RAP1GAP2: variants seen among roughly 807,000 people sequenced by gnomAD.
RAP1GAP2 encodes the protein RAP1 GTPase activating protein 2, also known as rap1 GTPase-activating protein 2.
Under a neutral mutation model 95.0 loss-of-function variants are expected in RAP1GAP2, and 27 were observed. That is an observed-to-expected ratio of 0.28 (90% CI 0.21 to 0.39). The LOEUF is 0.39. Among genes scored for constraint, RAP1GAP2 ranks in the 10% least tolerant of loss-of-function variants. RAP1GAP2 has a pLI of 1.00. For missense variants in RAP1GAP2, 771 were observed against 970.0 expected, an observed-to-expected ratio of 0.79 and a Z score of 2.72; for synonymous variants, 373 against 380.9, an observed-to-expected ratio of 0.98 and a Z score of 0.24.
intron 1 of RAP1GAP2, among the ~76,000 whole-genome samples, chr17:2,768,652 A>T (rs945628221): frequency 7.0e-6 from 1 of 143,578 alleles, no homozygotes; most frequent in African/African-American, 2.6e-5. Flanking sequence ...AGATGAAGCC[A>T]TTGCACTCTA....
chr17:2,870,587 T>C lies in RAP1GAP2; in HGVS notation c.81-34697T>C, dbSNP rs1219681788. Among the ~76,000 whole-genome samples the C allele has an allele frequency of 6.6e-6, 1 of 152,222 alleles. No homozygotes were observed. The highest frequency in any genetic ancestry group is 1.5e-5 in the Non-Finnish European group (1 of 68,038). On this transcript the variant is annotated intron_variant, in intron 2 of 24. Coordinates refer to ENST00000254695, the MANE Select transcript of RAP1GAP2 (RefSeq NM_015085.5). The surrounding 1 kb of genome is among the most constrained non-coding windows in gnomAD (Gnocchi z 4.4). The stretch of plus-strand genomic sequence containing the variant: ...TTAATATTTTTTTTGTGGTCTTTTT[T>C]TTCTATGCAAAAGCACACCCTTTCA...
intron 2 of RAP1GAP2, among the ~76,000 whole-genome samples, chr17:2,849,969 AG>A (rs2071757946): frequency 6.7e-6 from 1 of 149,282 alleles, no homozygotes; most frequent in Admixed American, 6.7e-5. Flanking sequence ...GGTTTGGCGC[AG>A]GTGTGTCACT....
chr17:2,812,356 T>G (rs1044072162), intron 2 of RAP1GAP2, among the ~76,000 whole-genome samples: 27 of 152,168 alleles, frequency 1.8e-4, no homozygotes, highest in African/African-American at 6.5e-4. Context: ...GTTCCTCCTG[T>G]CTCCCGGTTC....
intron 19 of RAP1GAP2, 24 bp from the exon 20 acceptor site, chr17:3,025,984 C>T: frequency 3.2e-6 from 5 of 1,563,828 alleles, no homozygotes; most frequent in Non-Finnish European, 8.8e-7. Flanking sequence ...TCCGCGGCCT[C>T]ACTCCTCATT....
At chr17:2,882,435 G>T (rs1260765710) in intron 2 of RAP1GAP2, among the ~76,000 whole-genome samples, 1 of 152,032 alleles carries the variant, frequency 6.6e-6, no homozygotes, top group Non-Finnish European at 1.5e-5. Flanking sequence ...GGGGTTACAG[G>T]CACGCGCCAC....
intron 2 of RAP1GAP2, among the ~76,000 whole-genome samples, chr17:2,850,672 C>A (rs1463135722): frequency 6.7e-6 from 1 of 149,720 alleles, no homozygotes; most frequent in Non-Finnish European, 1.5e-5. Context: ...ATGGCATGAA[C>A]CCGGTTGGCG....
At chr17:2,917,110 G>A (rs1421801181) in intron 3 of RAP1GAP2, among the ~76,000 whole-genome samples, 1 of 152,174 alleles carries the variant, frequency 6.6e-6, no homozygotes, top group Non-Finnish European at 1.5e-5. Context: ...TTGGCCACAT[G>A]ATCCTGCCTG....
chr17:2,825,590 A>T lies in RAP1GAP2; in HGVS notation c.80+25040A>T, dbSNP rs1314530289. 6.6e-6 allele frequency among the ~76,000 whole-genome samples: 1 copy of T among 151,882 alleles called. No individual in the cohort carries two copies. Among genetic ancestry groups the T allele is most frequent in the Non-Finnish European group, 1.5e-5 (1 of 67,988 alleles). ...GGGGTTACCTTGGGCAACCGTCTGA[A>T]CCTCTCTGAGCTTGTTTTCCCATCC... On this transcript the variant is annotated intron_variant, in intron 2 of 24. Coordinates refer to ENST00000254695, the MANE Select transcript of RAP1GAP2 (RefSeq NM_015085.5). This position sits in a 1 kb window ranked among gnomAD's most constrained non-coding sequence, Gnocchi z 4.1.
intron 12 of RAP1GAP2, among the ~76,000 whole-genome samples, chr17:2,994,801 T>C (rs7217169): frequency 0.18 from 27,714 of 152,176 alleles, 3,645 homozygotes; most frequent in East Asian, 0.48. Context: ...ATGGAGGTTC[T>C]GCTTTGTGAT....
intron 8 of RAP1GAP2, among the ~76,000 whole-genome samples, chr17:2,972,437 A>G (rs1251133389): frequency 4.6e-5 from 7 of 152,108 alleles, no homozygotes; most frequent in South Asian, 4.1e-4. Flanking sequence ...CACGACCAAC[A>G]TGAGTGAAAC....
chr17:2,844,312 G>A (rs537961943), intron 2 of RAP1GAP2, among the ~76,000 whole-genome samples: 85 of 152,268 alleles, frequency 5.6e-4, no homozygotes, highest in Non-Finnish European at 1.1e-3. Flanking sequence ...GAGCCACTGC[G>A]CCCGGCCGGC....
intron 22 of RAP1GAP2, among the ~76,000 whole-genome samples, chr17:3,028,210 C>T (rs184209654): frequency 1.1e-4 from 16 of 152,172 alleles, no homozygotes; most frequent in South Asian, 4.2e-4. Context: ...CATGCTTGTA[C>T]GAGGCCTGGA....
At chr17:2,815,584 C>T (rs2069975254) in intron 2 of RAP1GAP2, among the ~76,000 whole-genome samples, 1 of 151,850 alleles carries the variant, frequency 6.6e-6, no homozygotes, top group Non-Finnish European at 1.5e-5. Context: ...CCGGTTCAAG[C>T]GATTCTCCTG....
rs1011934602 is a variant in RAP1GAP2 at position 3,004,800 on chromosome 17, C to T, written c.1201-569C>T. ...GATTCGGCAGGTTTAGGCCAGAGCCCATGAACCCAGTCTGTATTTTTAAAC... is the reference window on the plus strand; with the variant it reads ...GATTCGGCAGGTTTAGGCCAGAGCCTATGAACCCAGTCTGTATTTTTAAAC... On this transcript the variant is annotated intron_variant, in intron 14 of 24. Coordinates refer to ENST00000254695, the MANE Select transcript of RAP1GAP2 (RefSeq NM_015085.5). The surrounding 1 kb of genome is among the most constrained non-coding windows in gnomAD (Gnocchi z 4.1). 6.6e-6 allele frequency among the ~76,000 whole-genome samples: 1 copy of T among 152,248 alleles called. No individual in the cohort carries two copies. Among genetic ancestry groups the T allele is most frequent in the African/African-American group, 2.4e-5 (1 of 41,478 alleles).
chr17:2,981,933 A>G (rs970512395), intron 10 of RAP1GAP2, among the ~76,000 whole-genome samples: 4 of 152,226 alleles, frequency 2.6e-5, no homozygotes, highest in Non-Finnish European at 5.9e-5. Context: ...CTGCGTCTTC[A>G]TGGGCCAGCA....
At chr17:2,977,338 T>C (rs1011320599) in intron 8 of RAP1GAP2, among the ~76,000 whole-genome samples, 1 of 152,142 alleles carries the variant, frequency 6.6e-6, no homozygotes, top group Non-Finnish European at 1.5e-5. Context: ...ACTAAAGAAT[T>C]TGAATTAGTA....
intron 2 of RAP1GAP2, among the ~76,000 whole-genome samples, chr17:2,771,609 C>T (rs572909957): frequency 2.6e-5 from 4 of 151,326 alleles, no homozygotes; most frequent in African/African-American, 9.7e-5. Flanking sequence ...CCTGCCTCAG[C>T]CTCCCGCGTA....
rs1042065337 is a variant in RAP1GAP2, at chr17:2,902,272, A to G, written c.81-3012A>G. On this transcript the variant is annotated intron_variant, in intron 2 of 24. Coordinates refer to ENST00000254695, the MANE Select transcript of RAP1GAP2 (RefSeq NM_015085.5). The surrounding 1 kb of genome is among the most constrained non-coding windows in gnomAD (Gnocchi z 4.1). ...TGCTCTGTCACCCGAGCTGGAGTGC[A>G]GTGGCACGATCTCAGCTCACTGCAA... 1.3e-5 allele frequency among the ~76,000 whole-genome samples: 2 copies of G among 150,690 alleles called. No individual in the cohort carries two copies. Among genetic ancestry groups the G allele is most frequent in the Non-Finnish European group, 3.0e-5 (2 of 67,788 alleles).
intron 2 of RAP1GAP2, among the ~76,000 whole-genome samples, chr17:2,801,153 C>T (rs1597333792): frequency 6.6e-6 from 1 of 151,528 alleles, no homozygotes; most frequent in African/African-American, 2.4e-5. Context: ...TAGCCCAGAC[C>T]CATTATCTTC....
Sources: allele counts gnomAD v4.1 joint callset (sites outside exome capture counted in the v4.1 genomes callset), GRCh38; gene constraint gnomAD v4.1.1; non-coding constraint Gnocchi (gnomAD v3.1); transcripts MANE v1.5; gene names NCBI Gene and HGNC (gene_info 2026-07-23, HGNC 2026-07-21).